The following CDKAL1 variants were observed in gnomAD, a reference collection of about 807,000 sequenced individuals.
CDKAL1 encodes the protein CDKAL1 threonylcarbamoyladenosine tRNA methylthiotransferase.
A neutral mutation model predicts 68.2 loss-of-function variants in CDKAL1; 32 were observed. That is an observed-to-expected ratio of 0.47 (90% CI 0.35 to 0.63). CDKAL1 has a LOEUF of 0.63. CDKAL1 is among the 30% of genes least tolerant of loss of function. The probability of loss-of-function intolerance (pLI) is 0.00; values close to 1 mark genes in which losing one functional copy is unlikely to be tolerated. For synonymous variants in CDKAL1, 234 were observed against 244.3 expected (o/e 0.96, Z 0.39); for missense variants, 606 against 696.7 (o/e 0.87, Z 1.47).
At chr6:20,628,914 C>G (rs1767550595) in intron 4 of CDKAL1, among the ~76,000 whole-genome samples, 1 of 151,918 alleles carries the variant, frequency 6.6e-6, no homozygotes, top group Middle Eastern at 3.4e-3. Context: ...TACTTGATGC[C>G]CCATCATCCC....
intron 13 of CDKAL1, among the ~76,000 whole-genome samples, chr6:21,113,772 A>C (rs988723432): frequency 6.6e-6 from 1 of 151,434 alleles, no homozygotes; most frequent in Non-Finnish European, 1.5e-5. Flanking sequence ...CCTGGCCAAA[A>C]AATGTTTTAA....
chr6:20,599,489 A>G, intron 4 of CDKAL1: 1 of 344,528 alleles, frequency 2.9e-6, no homozygotes, highest in Non-Finnish European at 5.8e-6. Context: ...CATTCATGCA[A>G]ACACTGGGTG....
At chr6:21,210,852 T>C (rs1779124455) in intron 15 of CDKAL1, among the ~76,000 whole-genome samples, 1 of 152,176 alleles carries the variant, frequency 6.6e-6, no homozygotes, top group Admixed American at 6.5e-5. Context: ...GAATCTTTGC[T>C]GAGTTTTCCA....
chr6:20,788,402 G>T lies in CDKAL1; in HGVS notation c.638+7137G>T, dbSNP rs115514550. On this transcript the variant is annotated intron_variant, in intron 8 of 15. Transcript: ENST00000274695. ...ACCGTAAGGTGAGTACAGAGCTGTG[G>T]TTATTATTCATGTTCTTCTGTAAGC... Among the ~76,000 whole-genome samples, 413 of 152,308 alleles carry T rather than the reference G, an allele frequency of 2.7e-3. 3 individuals are homozygous for T. The highest frequency in any genetic ancestry group is 9.5e-3 in the African/African-American group (394 of 41,554).
chr6:20,868,794 G>A (rs1049202740), intron 9 of CDKAL1, among the ~76,000 whole-genome samples: 8 of 152,188 alleles, frequency 5.3e-5, no homozygotes, highest in African/African-American at 7.2e-5. Context: ...AGCATGGGCC[G>A]TGTGTTAGAA....
intron 5 of CDKAL1, among the ~76,000 whole-genome samples, chr6:20,702,922 C>T (rs1581411757): frequency 1.3e-5 from 2 of 152,178 alleles, no homozygotes; most frequent in Admixed American, 6.5e-5. Flanking sequence ...CTCTTCCCTT[C>T]CCAGCACTCC....
At position 21,039,089 on chromosome 6, in the gene CDKAL1, G is replaced by A. The variant is rs947066061; in HGVS notation, c.1056-25959G>A. Among the ~76,000 whole-genome samples, 11 of 152,180 alleles carry A rather than the reference G, an allele frequency of 7.2e-5. No individual in the cohort carries two copies. In the East Asian group the frequency reaches 2.1e-3, roughly 29 times the overall value. On this transcript the variant is annotated intron_variant, in intron 11 of 15. Coordinates refer to ENST00000274695, the MANE Select transcript of CDKAL1 (RefSeq NM_017774.3). Reference sequence around the variant, plus strand: ...ACGGACTGATACCAGTCCATGGCCTGTTAGGATCCGGGCCACTCAGCAGGA... The same window carrying A: ...ACGGACTGATACCAGTCCATGGCCTATTAGGATCCGGGCCACTCAGCAGGA...
At chr6:21,221,756 T>A (rs1310804851) in intron 15 of CDKAL1, among the ~76,000 whole-genome samples, 1 of 152,178 alleles carries the variant, frequency 6.6e-6, no homozygotes, top group Non-Finnish European at 1.5e-5. Context: ...CTCTTAACAG[T>A]GCCTCTGAGC....
At chr6:20,552,357 A>AG (rs1014555832) in intron 4 of CDKAL1, among the ~76,000 whole-genome samples, 3 of 151,968 alleles carry the variant, frequency 2.0e-5, no homozygotes, top group African/African-American at 7.2e-5. Context: ...AAAAAAAAAA[A>AG]GGCCCTGAGA....
chr6:21,043,494 GTAAGGA>G (rs1461835472), intron 11 of CDKAL1, among the ~76,000 whole-genome samples: 1 of 152,098 alleles, frequency 6.6e-6, no homozygotes, highest in Non-Finnish European at 1.5e-5. Context: ...TGCAACACTT[GTAAGGA>G]TACTCCCAAG....
intron 4 of CDKAL1, among the ~76,000 whole-genome samples, chr6:20,568,207 C>CGGAGTCTTGCCATTTTGCCCA: frequency 6.6e-6 from 1 of 151,806 alleles, no homozygotes; most frequent in African/African-American, 2.4e-5. Context: ...TTTGTAGAGA[C>CGGAGTCTTGCCATTTTGCCCA]GGAGTCTTGC....
intron 5 of CDKAL1, among the ~76,000 whole-genome samples, chr6:20,684,133 T>C (rs1199249436): frequency 6.6e-6 from 1 of 152,206 alleles, no homozygotes; most frequent in Admixed American, 6.5e-5. Flanking sequence ...TTTCTAAGTT[T>C]TGGCAATTAT....
At chr6:21,198,533 A>ATTGG (rs1021858367) in intron 14 of CDKAL1, among the ~76,000 whole-genome samples, 7 of 152,038 alleles carry the variant, frequency 4.6e-5, no homozygotes, top group Admixed American at 2.0e-4. Flanking sequence ...TGGTTGGTTG[A>ATTGG]TTGGTTGGTT....
At chr6:21,070,043 G>C (rs530818039) in intron 12 of CDKAL1, among the ~76,000 whole-genome samples, 1 of 152,036 alleles carries the variant, frequency 6.6e-6, no homozygotes, top group Non-Finnish European at 1.5e-5. Context: ...ACCCGCCTCA[G>C]CCTCCCAAAG....
chr6:20,762,398 A>G (rs77294610), intron 7 of CDKAL1, among the ~76,000 whole-genome samples: 566 of 152,320 alleles, frequency 3.7e-3, no homozygotes, highest in Non-Finnish European at 6.9e-3. Context: ...GATGGAAGGA[A>G]TAATTTTGAT....
rs1188818445 is a variant in CDKAL1, at chr6:20,901,518, C to CA, written c.743-53891dup. Among the ~76,000 whole-genome samples the CA allele has an allele frequency of 5.9e-4, 86 of 144,644 alleles. 1 individual carries two copies. The highest frequency in any genetic ancestry group is 1.3e-3 in the African/African-American group (53 of 39,460). The allele number at this position is 144,644 out of a possible 152,430, so 94.9% of individuals were successfully genotyped here. ...TGAAACCCTGTCTCTACTAAAAATA[C>CA]AAAAAAAAAATAATTAGCCGGGCAT... On this transcript the variant is annotated intron_variant, in intron 9 of 15. Transcript: ENST00000274695.
At chr6:21,150,932 G>A (rs1362263610) in intron 13 of CDKAL1, among the ~76,000 whole-genome samples, 3 of 152,074 alleles carry the variant, frequency 2.0e-5, no homozygotes, top group African/African-American at 4.8e-5. Flanking sequence ...CCTGAAACAT[G>A]GTTTAAAAAT....
At chr6:20,586,866 A>C (rs948173470) in intron 4 of CDKAL1, among the ~76,000 whole-genome samples, 2 of 151,542 alleles carry the variant, frequency 1.3e-5, no homozygotes, top group Admixed American at 1.3e-4. Context: ...ACTTCTCTTG[A>C]CTTCATCTCC....
At chr6:20,636,929 C>A (rs375465582) in intron 4 of CDKAL1, among the ~76,000 whole-genome samples, 1 of 150,556 alleles carries the variant, frequency 6.6e-6, no homozygotes, top group Non-Finnish European at 1.5e-5. Flanking sequence ...CCCAGCTACT[C>A]GGGAGGCTGA....
Sources: allele counts gnomAD v4.1 joint callset (sites outside exome capture counted in the v4.1 genomes callset), GRCh38; gene constraint gnomAD v4.1.1; transcripts MANE v1.5; gene names NCBI Gene and HGNC (gene_info 2026-07-23, HGNC 2026-07-21).